Variants in ARSA observed in about 807,000 individuals in gnomAD.
ARSA encodes cerebroside-sulfatase.
ARSA carries 32 observed loss-of-function variants against 37.8 expected under a neutral mutation model. The ratio of observed to expected loss-of-function variants is 0.85; its 90% CI spans 0.64 to 1.14. The LOEUF (loss-of-function observed/expected upper bound fraction) is 1.14, where lower values mean the gene tolerates loss of function less well. Among genes scored for constraint, ARSA ranks in the 50% most tolerant of loss-of-function variants. ARSA has a pLI of 0.00. For synonymous variants in ARSA, 303 were observed against 303.4 expected (o/e 1.00, Z 0.01); for missense variants, 685 against 686.3 (o/e 1.00, Z 0.02).
chr22:50,625,939 G>T lies in ARSA; in HGVS notation c.1104C>A (p.Gly368=). Residue 368 remains glycine, a synonymous_variant, in exon 6 of 8, where the codon GGC becomes GGA. Transcript: ENST00000216124. ...GATCAGGGGTCACCGGCCCTACCTTGCCTGTGCCCAGCAGCAGGGGGCTGA... is the reference window on the plus strand; with the variant it reads ...GATCAGGGGTCACCGGCCCTACCTTTCCTGTGCCCAGCAGCAGGGGGCTGA... ...FDLSPLLLGT[G]KSPRQSLFFY... 6.4e-7 allele frequency: 1 copy of T among 1,571,828 alleles called. No homozygotes were observed. Among genetic ancestry groups the T allele is most frequent in the Non-Finnish European group, 8.6e-7 (1 of 1,159,010 alleles).
At position 50,626,926 on chromosome 22, in the gene ARSA, CG is replaced by C; in HGVS notation, c.591del (p.Gly198AspfsTer2). On this transcript the variant is annotated frameshift_variant, in exon 3 of 8. Coordinates refer to ENST00000216124, the MANE Select transcript of ARSA (RefSeq NM_000487.6). LOFTEE classifies it high-confidence loss of function. ...LSVEAQPPWL[P>X]GLEARYMAFA... ...AAAGCCATGTAGCGGGCCTCTAGTCCGGGCAGCCAGGGGGGCTGCGCCTCCA... is the reference window on the plus strand; with the variant it reads ...AAAGCCATGTAGCGGGCCTCTAGTCCGGCAGCCAGGGGGGCTGCGCCTCCA... The C allele has an allele frequency of 6.2e-7, 1 of 1,613,278 alleles. No individual in the cohort carries two copies. The highest frequency in any genetic ancestry group is 8.5e-7 in the Non-Finnish European group (1 of 1,179,966).
Position 50,626,878 on chromosome 22 carries a change from C to G in ARSA, c.640G>C (p.Ala214Pro), listed in dbSNP as rs199476341. 1 of 1,613,380 alleles carries G rather than the reference C, an allele frequency of 6.2e-7. No homozygotes were observed. Among genetic ancestry groups the G allele is most frequent in the Non-Finnish European group, 8.5e-7 (1 of 1,179,802 alleles). Residue 214 changes from alanine to proline, a missense_variant, in exon 3 of 8, where the codon GCC becomes CCC. By Grantham distance (27) the Ala-to-Pro change is conservative (BLOSUM62 -1). Transcript: ENST00000216124. The stretch of plus-strand genomic sequence containing the variant: ...AAGAAGGGGCGATCCTGGCGCTGGG[C>G]GTCGGCCATGAGGTCATGGGCGAAA... Reference protein sequence around the residue: ...MAFAHDLMADAQRQDRPFFLY... With the variant: ...MAFAHDLMADPQRQDRPFFLY...
At position 50,627,614 on chromosome 22, in the gene ARSA, C is replaced by G; in HGVS notation, c.166G>C (p.Ala56Pro). The change falls in exon 1 of 8, where the codon GCG becomes CCG. Residue 56 changes from alanine to proline, a missense_variant. Coordinates refer to ENST00000216124, the MANE Select transcript of ARSA (RefSeq NM_000487.6). Reference protein sequence around the residue: ...STTPNLDQLAAGGLRFTDFYV... With the variant: ...STTPNLDQLAPGGLRFTDFYV... ...AAGTCTGTGAACCGCAGCCCTCCCGCCGCCAGCTGGTCCAGGTTGGGAGTG... is the reference window on the plus strand; with the variant it reads ...AAGTCTGTGAACCGCAGCCCTCCCGGCGCCAGCTGGTCCAGGTTGGGAGTG... The G allele has an allele frequency of 6.4e-7, 1 of 1,563,506 alleles. No homozygotes were observed. Among genetic ancestry groups the G allele is most frequent in the Non-Finnish European group, 8.7e-7 (1 of 1,153,374 alleles).
In ARSA at chr22:50,625,931, C is replaced by T; in HGVS notation, c.1107+5G>A. On this transcript the variant is annotated splice_donor_5th_base_variant and intron_variant, in intron 6 of 7. Coordinates refer to ENST00000216124, the MANE Select transcript of ARSA (RefSeq NM_000487.6). ...GGATCTGGGATCAGGGGTCACCGGC[C>T]CTACCTTGCCTGTGCCCAGCAGCAG... The T allele has an allele frequency of 1.9e-6, 3 of 1,570,172 alleles. No homozygotes were observed. The highest frequency in any genetic ancestry group is 1.3e-5 in the African/African-American group (1 of 74,592).
chr22:50,626,049 G>GC lies in ARSA; in HGVS notation c.993dup (p.Leu332AlafsTer28). 6.3e-7 allele frequency: 1 copy of GC among 1,592,386 alleles called. No homozygotes were observed. Among genetic ancestry groups the GC allele is most frequent in the East Asian group, 2.3e-5 (1 of 44,096 alleles). ...GGCAGCAGGTCCAGGGAGCTGGCCA[G>GC]CTCGTGGGTCACGCCTGGGGGCAGG... On this transcript the variant is annotated frameshift_variant, in exon 6 of 8. Coordinates refer to ENST00000216124, the MANE Select transcript of ARSA (RefSeq NM_000487.6). LOFTEE classifies it high-confidence loss of function.
At chr22:50,625,712 G>C (rs781350765) in intron 6 of ARSA, 31 bp from the exon 7 acceptor site, 2 of 1,604,180 alleles carry the variant, frequency 1.2e-6, no homozygotes, top group Non-Finnish European at 8.5e-7. Context: ...CACGGGGCGG[G>C]GCAGGCCCCA....
chr22:50,625,048 A>G lies in ARSA; in HGVS notation c.*97T>C, dbSNP rs1186189075. On this transcript the variant is annotated 3_prime_UTR_variant, in exon 8 of 8. Transcript: ENST00000216124. ...ACATCTGCAAGTCTCCACTGGTGTT[A>G]TTACGTTATCAGGCACAAACCCCCT... is the stretch of plus-strand genomic sequence containing the variant. The G allele has an allele frequency of 2.2e-6, 3 of 1,334,112 alleles. No homozygotes were observed. Among genetic ancestry groups the G allele is most frequent in the Non-Finnish European group, 3.0e-6 (3 of 1,006,662 alleles). The allele number at this position is 1,334,112 out of a possible 1,614,324, so 82.6% of individuals were successfully genotyped here.
Position 50,627,426 on chromosome 22 carries a change from G to A in ARSA, c.225-20C>T, listed in dbSNP as rs758918503. On this transcript the variant is annotated intron_variant, in intron 1 of 7. Coordinates refer to ENST00000216124, the MANE Select transcript of ARSA (RefSeq NM_000487.6). ...GCGGCCCTGCGGGACAAGTCACAGA[G>A]TCCCTGAGACAGACAGAAATGTGGC... 1.9e-6 allele frequency: 3 copies of A among 1,608,172 alleles called. No individual in the cohort carries two copies. Among genetic ancestry groups the A allele is most frequent in the Non-Finnish European group, 2.5e-6 (3 of 1,179,406 alleles).
rs2146729644 is a variant in ARSA, at chr22:50,627,874, C to T, written c.-95G>A. On this transcript the variant is annotated 5_prime_UTR_variant, in exon 1 of 8. Transcript: ENST00000216124. ...ACCCAGGCGCCGCCCTTCCCTGAGA[C>T]CCCGGACCCAAATACTCCCCGACCC... is the stretch of plus-strand genomic sequence containing the variant. The T allele has an allele frequency of 2.4e-6, 3 of 1,267,918 alleles. No individual in the cohort carries two copies. Among genetic ancestry groups the T allele is most frequent in the East Asian group, 2.5e-5 (1 of 39,334 alleles). The allele number at this position is 1,267,918 out of a possible 1,614,324, so 78.5% of individuals were successfully genotyped here.
chr22:50,628,048 CG>C lies in ARSA; in HGVS notation c.-270del. On this transcript the variant is annotated 5_prime_UTR_variant, in exon 1 of 8. Coordinates refer to ENST00000216124, the MANE Select transcript of ARSA (RefSeq NM_000487.6). ...TCGCCTAGCGGTCCGGGCTCAGGGT[CG>C]GGGGCGTAAGTCACTTGGCGCTGAC... 1 of 508,902 alleles carries C rather than the reference CG, an allele frequency of 2.0e-6. No individual in the cohort carries two copies. The highest frequency in any genetic ancestry group is 5.4e-4 in the Middle Eastern group (1 of 1,868). 31.5% of individuals were successfully genotyped at this position (508,902 alleles called of 1,614,324 possible). A position where few individuals can be genotyped will look rare whatever the true frequency, so the allele number is the denominator to read the frequency against.
In ARSA at chr22:50,624,803, T is replaced by C. The variant is rs182635438; in HGVS notation, c.*342A>G. ...CTGTGAACAGATGTGCCCATGTCCTTGAGGCTGACGTGTGCCTGTGTGCAC... is the reference window on the plus strand; with the variant it reads ...CTGTGAACAGATGTGCCCATGTCCTCGAGGCTGACGTGTGCCTGTGTGCAC... On this transcript the variant is annotated 3_prime_UTR_variant, in exon 8 of 8. Coordinates refer to ENST00000216124, the MANE Select transcript of ARSA (RefSeq NM_000487.6). Among the ~76,000 whole-genome samples, 35 of 142,216 alleles carry C rather than the reference T, an allele frequency of 2.5e-4. No individual in the cohort carries two copies. Among genetic ancestry groups the C allele is most frequent in the Non-Finnish European group, 4.1e-4 (27 of 65,456 alleles). 93.3% of individuals were successfully genotyped at this position (142,216 alleles called of 152,430 possible).
rs1375526801 is a variant in ARSA, at chr22:50,624,451, G to T, written c.*694C>A. Among the ~76,000 whole-genome samples, 1 of 152,200 alleles carries T rather than the reference G, an allele frequency of 6.6e-6. No individual in the cohort carries two copies. Among genetic ancestry groups the T allele is most frequent in the Non-Finnish European group, 1.5e-5 (1 of 68,036 alleles). On this transcript the variant is annotated 3_prime_UTR_variant, in exon 8 of 8. Coordinates refer to ENST00000216124, the MANE Select transcript of ARSA (RefSeq NM_000487.6). ...GGTCAAAAGGTGAAGGCAGGAGACA[G>T]AAGTGTGGGCACAGGTGAAATGCAG...
Position 50,626,057 on chromosome 22 carries a change from G to C in ARSA, c.986C>G (p.Thr329Ser), listed in dbSNP as rs398123418. The change falls in exon 6 of 8, where the codon ACC becomes AGC. Residue 329 changes from threonine to serine, a missense_variant. By Grantham distance (58) the Thr-to-Ser change is moderately conservative. Transcript: ENST00000216124. ...GTCCAGGGAGCTGGCCAGCTCGTGG[G>C]TCACGCCTGGGGGCAGGAGGCTGGT... ...FWPGHIAPGVTHELASSLDLL... is the reference protein window; with the variant it reads ...FWPGHIAPGVSHELASSLDLL... The C allele has an allele frequency of 1.3e-6, 2 of 1,594,520 alleles. No individual in the cohort carries two copies. The highest frequency in any genetic ancestry group is 1.1e-5 in the South Asian group (1 of 87,602).
At position 50,627,566 on chromosome 22, in the gene ARSA, T is replaced by C; in HGVS notation, c.214A>G (p.Thr72Ala). 1.3e-6 allele frequency: 2 copies of C among 1,560,314 alleles called. No homozygotes were observed. The highest frequency in any genetic ancestry group is 2.4e-5 in the East Asian group (1 of 41,922). ...TDFYVPVSLC[T>A]PSRAALLTGR... ...CGGCCCCCTCTTTACCTAGAGGGTG[T>C]GCACAGAGACACAGGCACGTAGAAG... The change falls in exon 1 of 8, where the codon ACA (threonine) becomes GCA (alanine). Residue 72 changes from threonine to alanine, a missense_variant. Physicochemically the swap from Thr to Ala is moderately conservative, Grantham distance 58. Transcript: ENST00000216124.
At chr22:50,626,792 A>AG in intron 3 of ARSA, 32 bp from the exon 4 acceptor site, 1 of 1,611,720 alleles carries the variant, frequency 6.2e-7, no homozygotes, top group South Asian at 1.1e-5. Context: ...AGCACTGGGT[A>AG]GGGGTCACGG....
chr22:50,627,716 G>A lies in ARSA; in HGVS notation c.64C>T (p.Pro22Ser), dbSNP rs1431093828. ...ALAAGLAVAR[P>S]PNIVLIFADD... ...GCAAAGATCAGCACGATGTTGGGCGGACGGGCAACGGCCAGGCCAGCAGCC... is the reference window on the plus strand; with the variant it reads ...GCAAAGATCAGCACGATGTTGGGCGAACGGGCAACGGCCAGGCCAGCAGCC... Residue 22 changes from proline to serine, a missense_variant, in exon 1 of 8, where the codon CCG (proline) becomes TCG (serine). Pro to Ser is a moderately conservative substitution (Grantham distance 74). Coordinates refer to ENST00000216124, the MANE Select transcript of ARSA (RefSeq NM_000487.6). 6.4e-7 allele frequency: 1 copy of A among 1,554,286 alleles called. No homozygotes were observed. Among genetic ancestry groups the A allele is most frequent in the Non-Finnish European group, 8.7e-7 (1 of 1,148,930 alleles).
Position 50,627,238 on chromosome 22 carries a change from C to A in ARSA, c.393G>T (p.Gly131=). ...GMAGKWHLGV[G]PEGAFLPPHQ... The stretch of plus-strand genomic sequence containing the variant: ...GGGGGGGCAGGAAGGCCCCCTCAGG[C>A]CCCACCCCAAGGTGCCACTTGCCGG... Residue 131 remains glycine (G), a synonymous_variant, in exon 2 of 8, where the codon GGG becomes GGT. Coordinates refer to ENST00000216124, the MANE Select transcript of ARSA (RefSeq NM_000487.6). 5 of 1,608,182 alleles carry A rather than the reference C, an allele frequency of 3.1e-6. No homozygotes were observed. The highest frequency in any genetic ancestry group is 4.2e-6 in the Non-Finnish European group (5 of 1,177,736).
rs769079150 is a variant in ARSA, at chr22:50,624,933, C to T, written c.*212G>A. The T allele has an allele frequency of 8.0e-6, 5 of 622,214 alleles. No individual in the cohort carries two copies. Among genetic ancestry groups the T allele is most frequent in the Non-Finnish European group, 1.3e-5 (5 of 372,326 alleles). 38.5% of individuals were successfully genotyped at this position (622,214 alleles called of 1,614,324 possible). A position where few individuals can be genotyped will look rare whatever the true frequency, so the allele number is the denominator to read the frequency against. ...TCTGGCTGGGTGATCTTGTACAAGT[C>T]CTGAACCTCTCTGCACCTCAGTTTC... On this transcript the variant is annotated 3_prime_UTR_variant, in exon 8 of 8. Transcript: ENST00000216124.
chr22:50,626,910 T>C lies in ARSA; in HGVS notation c.608A>G (p.Tyr203Cys), dbSNP rs199476345. Residue 203 changes from tyrosine (Y) to cysteine (C), a missense_variant, in exon 3 of 8, where the codon TAC (tyrosine) becomes TGC (cysteine). Transcript: ENST00000216124. The part of the protein sequence containing the change: ...PPWLPGLEAR[Y>C]MAFAHDLMAD... ...CATGAGGTCATGGGCGAAAGCCATG[T>C]AGCGGGCCTCTAGTCCGGGCAGCCA... 3.7e-6 allele frequency: 6 copies of C among 1,613,120 alleles called. No individual in the cohort carries two copies. The highest frequency in any genetic ancestry group is 5.1e-6 in the Non-Finnish European group (6 of 1,179,868).
Sources: allele counts gnomAD v4.1 joint callset (sites outside exome capture counted in the v4.1 genomes callset), GRCh38; gene constraint gnomAD v4.1.1; transcripts MANE v1.5; gene names NCBI Gene and HGNC (gene_info 2026-07-23, HGNC 2026-07-21).